Variants in IDS observed in about 807,000 individuals in gnomAD.
The protein encoded by IDS is iduronate 2-sulfatase, also known as alpha-L-iduronate sulfate sulfatase.
In IDS, 1 loss-of-function variant was observed where a neutral mutation model predicts 33.5. That is an observed-to-expected ratio of 0.03 (90% CI 0.01 to 0.14). The LOEUF (loss-of-function observed/expected upper bound fraction) is 0.14, where lower values mean the gene tolerates loss of function less well. Ranked by LOEUF, IDS falls within the 10% of genes least tolerant of loss-of-function variation. The pLI, the probability that IDS is intolerant of heterozygous loss-of-function variation, is 1.00. For synonymous variants in IDS, 191 were observed against 184.4 expected, an observed-to-expected ratio of 1.04 and a Z score of -0.29; for missense variants, 328 against 448.0, an observed-to-expected ratio of 0.73 and a Z score of 2.42.
intron 8 of IDS, 42 bp downstream of exon 8, chrX:149,486,883 T>C (rs782216028): frequency 8.5e-7 from 1 of 1,178,275 alleles, no homozygotes; most frequent in Admixed American, 2.2e-5. Flanking sequence ...AAACTAAAGG[T>C]GATCTTACTG....
chrX:149,479,651 A>C lies in IDS; in HGVS notation c.*3095T>G, dbSNP rs782692634. 1 of 112,365 alleles carries C rather than the reference A, an allele frequency of 8.9e-6. No individual in the cohort carries two copies. Among genetic ancestry groups the C allele is most frequent in the East Asian group, 2.8e-4 (1 of 3,617 alleles). 9.3% of individuals were successfully genotyped at this position (112,365 alleles called of 1,213,427 possible). A position where few individuals can be genotyped will look rare whatever the true frequency, so the allele number is the denominator to read the frequency against. On this transcript the variant is annotated 3_prime_UTR_variant, in exon 9 of 9. Transcript: ENST00000340855. ...AAATTATAAGACTACACAATAAAATATATTACCAGCAATATATCTTTGTGA... is the reference window on the plus strand; with the variant it reads ...AAATTATAAGACTACACAATAAAATCTATTACCAGCAATATATCTTTGTGA...
In IDS at chrX:149,496,328, A is replaced by C; in HGVS notation, c.879+18T>G. The C allele has an allele frequency of 8.3e-7, 1 of 1,205,821 alleles. No homozygotes were observed. Among genetic ancestry groups the C allele is most frequent in the Non-Finnish European group, 1.1e-6 (1 of 890,442 alleles). On this transcript the variant is annotated intron_variant, in intron 6 of 8. Coordinates refer to ENST00000340855, the MANE Select transcript of IDS (RefSeq NM_000202.8). ...TGTCATCAGTGTCCAATACATCCCCAAACTATGTCCTTGATACCTGAAAGT... is the reference window on the plus strand; with the variant it reads ...TGTCATCAGTGTCCAATACATCCCCCAACTATGTCCTTGATACCTGAAAGT...
At chrX:149,502,382 T>C (rs781922807) in intron 3 of IDS, among the ~76,000 whole-genome samples, 2 of 112,306 alleles carry the variant, frequency 1.8e-5, no homozygotes, top group South Asian at 3.7e-4. Flanking sequence ...GCAAGGGGTA[T>C]GGTAATGAGA....
chrX:149,477,549 G>A lies in IDS; in HGVS notation c.*5197C>T, dbSNP rs1271138269. 8.8e-6 allele frequency: 1 copy of A among 113,019 alleles called. No homozygotes were observed. Among genetic ancestry groups the A allele is most frequent in the African/African-American group, 3.2e-5 (1 of 31,092 alleles). The allele number at this position is 113,019 out of a possible 1,213,427, so 9.3% of individuals were successfully genotyped here. A position where few individuals can be genotyped will look rare whatever the true frequency, so the allele number is the denominator to read the frequency against. On this transcript the variant is annotated 3_prime_UTR_variant, in exon 9 of 9. Transcript: ENST00000340855. ...CAGAATCAAACAAGGGCATCCTTTG[G>A]TGATTAGCACCATACATGACAGTGA... is the stretch of plus-strand genomic sequence containing the variant.
chrX:149,487,669 T>A (rs1423729841), intron 7 of IDS, among the ~76,000 whole-genome samples: 1 of 112,589 alleles, frequency 8.9e-6, no homozygotes, highest in Non-Finnish European at 1.9e-5. Context: ...AAACCTCTCA[T>A]TTCAGATCCT....
At chrX:149,496,801 C>T (rs782156169) in intron 5 of IDS, among the ~76,000 whole-genome samples, 1 of 112,376 alleles carries the variant, frequency 8.9e-6, no homozygotes, top group East Asian at 2.8e-4. Context: ...CCTGTCCCCA[C>T]CTCCTGCCTG....
chrX:149,495,329 G>A (rs2089427144), intron 6 of IDS, among the ~76,000 whole-genome samples: 2 of 112,039 alleles, frequency 1.8e-5, no homozygotes, highest in South Asian at 7.4e-4. Context: ...CCAAACTCTT[G>A]TTGTGCAAAC....
chrX:149,502,981 G>A (rs2089492394), intron 3 of IDS: 1 of 468,860 alleles, frequency 2.1e-6, no homozygotes, highest in Non-Finnish European at 3.6e-6. Context: ...CAGGTACCCT[G>A]CAGGGGAGAG....
At chrX:149,497,188 C>A (rs1476880018) in intron 5 of IDS, among the ~76,000 whole-genome samples, 16 of 109,634 alleles carry the variant, frequency 1.5e-4, no homozygotes, top group Non-Finnish European at 2.3e-4. Flanking sequence ...AAAAAAAAAA[C>A]AAACCCAGGG....
chrX:149,498,147 A>G lies in IDS; in HGVS notation c.668T>C (p.Val223Ala), dbSNP rs781804756. 11 of 1,209,760 alleles carry G rather than the reference A, an allele frequency of 9.1e-6. No homozygotes were observed. Among genetic ancestry groups the G allele is most frequent in the Non-Finnish European group, 1.2e-5 (11 of 895,047 alleles). Residue 223 changes from valine to alanine, a missense_variant, in exon 5 of 9, where the codon GTT becomes GCT. Physicochemically the swap from Val to Ala is moderately conservative, Grantham distance 64 (BLOSUM62 0). Transcript: ENST00000340855. The part of the protein sequence containing the change: ...KTSASPFFLA[V>A]GYHKPHIPFR... Reference sequence around the variant, plus strand: ...GGGGATGTGTGGCTTATGATACCCAACGGCCAGGAAGAAAGGACTGGCTGA... The same window carrying G: ...GGGGATGTGTGGCTTATGATACCCAGCGGCCAGGAAGAAAGGACTGGCTGA...
chrX:149,487,457 G>C, intron 7 of IDS: 2 of 499,664 alleles, frequency 4.0e-6, no homozygotes, highest in South Asian at 6.0e-5. Flanking sequence ...TGACAGGCTG[G>C]GAACCCTGAA....
chrX:149,501,638 G>T (rs1427860918), intron 3 of IDS, among the ~76,000 whole-genome samples: 5 of 111,559 alleles, frequency 4.5e-5, no homozygotes, highest in African/African-American at 1.3e-4. Context: ...AGAGGTTATT[G>T]TGAGTCAGGT....
At position 149,490,374 on chromosome X, in the gene IDS, T is replaced by G. The variant is rs2089379574; in HGVS notation, c.946A>C (p.Ser316Arg). 1 of 1,209,913 alleles carries G rather than the reference T, an allele frequency of 8.3e-7. No homozygotes were observed. Residue 316 changes from serine to arginine, a missense_variant, in exon 7 of 9, where the codon AGT becomes CGT. This residue lies in a region of IDS where 265 missense variants were observed against 339.2 expected (regional missense o/e 0.78). Coordinates refer to ENST00000340855, the MANE Select transcript of IDS (RefSeq NM_000202.8). ...GCCAGCTGAAGATCGTCCAAAGCAC[T>G]CAAGAGGCGGCCGACCTGTGTATCC... is the stretch of plus-strand genomic sequence containing the variant. The part of the protein sequence containing the change: ...YLDTQVGRLL[S>R]ALDDLQLANS...
intron 4 of IDS, among the ~76,000 whole-genome samples, chrX:149,499,015 T>C (rs1454447808): frequency 8.9e-6 from 1 of 112,212 alleles, no homozygotes. Flanking sequence ...ATCCATCAAG[T>C]GATGAACTGA....
chrX:149,502,214 T>C (rs2089485885), intron 3 of IDS: 1 of 321,487 alleles, frequency 3.1e-6, no homozygotes, highest in Non-Finnish European at 6.0e-6. Context: ...AAGGACATGG[T>C]GCTTAGAGCC....
At chrX:149,504,618 A>C (rs782352388) in intron 1 of IDS, among the ~76,000 whole-genome samples, 9 of 110,385 alleles carry the variant, frequency 8.2e-5, no homozygotes, top group Non-Finnish European at 5.7e-5. Context: ...GGATGGAGGA[A>C]GATAAGGAGG....
rs782672366 is a variant in IDS at position 149,481,794 on chromosome X, GTTTTC to G, written c.*947_*951del. 7.2e-4 allele frequency: 81 copies of G among 112,087 alleles called. No homozygotes were observed. The highest frequency in any genetic ancestry group is 2.6e-3 in the African/African-American group (79 of 30,860). The allele number at this position is 112,087 out of a possible 1,213,427, so 9.2% of individuals were successfully genotyped here. ...TCCTCAAAATAATTTAGAATTTAAT[GTTTTC>G]TTTAATAAGCAATTAAAATGGAATA... On this transcript the variant is annotated 3_prime_UTR_variant, in exon 9 of 9. Transcript: ENST00000340855.
Position 149,505,188 on chromosome X carries a change from T to TAC in IDS, c.-52_-51insGT. The TAC allele has an allele frequency of 4.2e-6, 4 of 963,162 alleles. No individual in the cohort carries two copies. Among genetic ancestry groups the TAC allele is most frequent in the Admixed American group, 5.1e-5 (2 of 39,238 alleles). 79.4% of individuals were successfully genotyped at this position (963,162 alleles called of 1,213,427 possible). On this transcript the variant is annotated 5_prime_UTR_variant, in exon 1 of 9. Transcript: ENST00000340855. ...AGCGGCGGGGACAGGCTGCAGCAGG[T>TAC]GGCGCAGTTAGCAGCCGCCGCCGCA...
Position 149,505,085 on chromosome X carries a change from C to A in IDS, c.53G>T (p.Ser18Ile). ...GGATCCGAGGGCGACGCAGACGGAG[C>A]TCAGAACCAGACCCAGCCAGAGAAG... ...RGLLWLGLVL[S>I]SVCVALGSET... The change falls in exon 1 of 9, where the codon AGC becomes ATC. Residue 18 changes from serine to isoleucine, a missense_variant. Ser to Ile is a moderately radical substitution (Grantham distance 142). Around this residue, in one of 4 missense-constraint regions of IDS, gnomAD observed 45 missense variants for 33.6 expected, o/e 1.34. Coordinates refer to ENST00000340855, the MANE Select transcript of IDS (RefSeq NM_000202.8). 8.3e-7 allele frequency: 1 copy of A among 1,208,409 alleles called. No individual in the cohort carries two copies. Among genetic ancestry groups the A allele is most frequent in the Non-Finnish European group, 1.1e-6 (1 of 893,020 alleles).
Sources: allele counts gnomAD v4.1 joint callset (sites outside exome capture counted in the v4.1 genomes callset), GRCh38; gene constraint gnomAD v4.1.1; regional missense constraint gnomAD v4.1.1; transcripts MANE v1.5; gene names NCBI Gene and HGNC (gene_info 2026-07-23, HGNC 2026-07-21).